Variants in ADAM17 observed in about 807,000 individuals in gnomAD.
ADAM17 encodes the protein ADAM metallopeptidase domain 17.
In ADAM17, 39 loss-of-function variants were observed where a neutral mutation model predicts 96.7. The ratio of observed to expected loss-of-function variants is 0.40; its 90% CI spans 0.31 to 0.53. The LOEUF (loss-of-function observed/expected upper bound fraction) is 0.53. Ranked by LOEUF, ADAM17 falls within the 20% of genes least tolerant of loss-of-function variation. ADAM17 has a pLI of 0.44. For missense variants in ADAM17, 777 were observed against 1,013.2 expected (o/e 0.77, Z 3.17); for synonymous variants, 344 against 359.2 (o/e 0.96, Z 0.48).
intron 10 of ADAM17, among the ~76,000 whole-genome samples, chr2:9,512,147 GA>G (rs531431037): frequency 3.0e-4 from 46 of 151,472 alleles, no homozygotes; most frequent in Non-Finnish European, 5.3e-4. Context: ...ACCGTAGTGG[GA>G]AAAAAAACTT....
intron 8 of ADAM17, among the ~76,000 whole-genome samples, chr2:9,520,968 A>AAAAAAAG (rs1664283337): frequency 7.1e-6 from 1 of 141,808 alleles, no homozygotes; most frequent in Non-Finnish European, 1.6e-5. Context: ...CTGTCTCAAA[A>AAAAAAAG]AAAAAAAAAA....
chr2:9,496,179 A>C (rs1250052913), intron 14 of ADAM17: 1 of 151,988 alleles, frequency 6.6e-6, no homozygotes, highest in Non-Finnish European at 1.5e-5. Flanking sequence ...CCCAGGCTAG[A>C]GTGTAGCGGC....
chr2:9,514,252 G>A (rs1382505912), intron 10 of ADAM17, among the ~76,000 whole-genome samples: 3 of 148,408 alleles, frequency 2.0e-5, no homozygotes, highest in Non-Finnish European at 3.0e-5. Context: ...GCAAACTATC[G>A]CAAGGACAAA....
chr2:9,536,096 G>A (rs910203256), intron 3 of ADAM17, among the ~76,000 whole-genome samples, 174 bp from the exon 4 acceptor site: 1 of 152,054 alleles, frequency 6.6e-6, no homozygotes, highest in East Asian at 1.9e-4. Flanking sequence ...AACTCCTAAG[G>A]GGTAGCCTCA....
intron 1 of ADAM17, among the ~76,000 whole-genome samples, chr2:9,555,162 C>T (rs1315625986): frequency 6.6e-6 from 1 of 152,104 alleles, no homozygotes; most frequent in Admixed American, 6.6e-5. Context: ...CCTACTAAGG[C>T]AAGAACCCTG....
At chr2:9,497,332 C>T (rs879919670) in intron 13 of ADAM17, 84 bp from the exon 14 acceptor site, 67 of 1,553,694 alleles carry the variant, frequency 4.3e-5, no homozygotes, top group Non-Finnish European at 5.8e-5. Context: ...GTTTCTCATA[C>T]AAGTGAGCAT....
chr2:9,497,029 G>T, intron 14 of ADAM17, 85 bp downstream of exon 14: 2 of 1,551,932 alleles, frequency 1.3e-6, no homozygotes. Flanking sequence ...GCTGTCATTC[G>T]CACAACCTCC....
At chr2:9,504,827 C>A (rs1663284226) in intron 12 of ADAM17, among the ~76,000 whole-genome samples, 1 of 151,108 alleles carries the variant, frequency 6.6e-6, no homozygotes, top group Non-Finnish European at 1.5e-5. Context: ...CATGCAAGGT[C>A]AAGGATTTTG....
chr2:9,532,880 A>T (rs999007599), intron 4 of ADAM17, among the ~76,000 whole-genome samples: 1 of 152,096 alleles, frequency 6.6e-6, no homozygotes, highest in African/African-American at 2.4e-5. Flanking sequence ...TTTTTCCAAA[A>T]GGAAGTATTT....
intron 4 of ADAM17, among the ~76,000 whole-genome samples, chr2:9,534,527 T>C (rs1664878303): frequency 6.6e-6 from 1 of 152,090 alleles, no homozygotes; most frequent in Non-Finnish European, 1.5e-5. Context: ...AGAGCAAGAC[T>C]CCGTCTCAAA....
chr2:9,546,305 ATACT>A (rs1665400777), intron 1 of ADAM17, among the ~76,000 whole-genome samples: 1 of 152,212 alleles, frequency 6.6e-6, no homozygotes, highest in South Asian at 2.1e-4. Flanking sequence ...GCACTTTAAA[ATACT>A]TAACTAATGC....
intron 16 of ADAM17, 145 bp from the exon 17 acceptor site, chr2:9,493,131 A>G (rs1662297330): frequency 1.6e-6 from 1 of 632,112 alleles, no homozygotes; most frequent in Non-Finnish European, 2.7e-6. Context: ...TGCTGCCTGT[A>G]TTACACCACA....
chr2:9,540,472 C>A (rs1290852567), intron 2 of ADAM17, among the ~76,000 whole-genome samples: 1 of 151,850 alleles, frequency 6.6e-6, no homozygotes, highest in East Asian at 1.9e-4. Context: ...AAATAAGTAC[C>A]TGATTAACTG....
At chr2:9,544,077 A>AC (rs917903176) in intron 1 of ADAM17, among the ~76,000 whole-genome samples, 12 of 151,780 alleles carry the variant, frequency 7.9e-5, no homozygotes, top group South Asian at 2.1e-4. Flanking sequence ...GCCAAGAGAC[A>AC]CCCCCCACCT....
intron 10 of ADAM17, among the ~76,000 whole-genome samples, chr2:9,511,151 G>GT (rs1480565468): frequency 1.3e-5 from 2 of 151,962 alleles, no homozygotes; most frequent in Non-Finnish European, 2.9e-5. Context: ...AAAGCAAGGG[G>GT]TAAAAAAAAC....
chr2:9,522,852 T>C (rs59544966), intron 7 of ADAM17, among the ~76,000 whole-genome samples: 9,678 of 152,252 alleles, frequency 0.064, 1,090 homozygotes, highest in African/African-American at 0.22. Context: ...AGGTTCTGTA[T>C]ATATAAATAC....
At chr2:9,511,399 G>A (rs1390120230) in intron 10 of ADAM17, among the ~76,000 whole-genome samples, 2 of 151,928 alleles carry the variant, frequency 1.3e-5, no homozygotes, top group East Asian at 1.9e-4. Flanking sequence ...GCAGTGAGCT[G>A]AGATCATGCC....
At chr2:9,554,781 T>C (rs1295023887) in intron 1 of ADAM17, among the ~76,000 whole-genome samples, 5 of 152,168 alleles carry the variant, frequency 3.3e-5, no homozygotes, top group South Asian at 2.1e-4. Context: ...TCTAATGAAA[T>C]AGGAACCCTC....
chr2:9,555,656 G>C lies in ADAM17; in HGVS notation c.-51C>G. ...CCTCTCTGGGCAGCCTTCGCCTGAC[G>C]GGGTTTCGGAAAACTGCTCACATCG... is the stretch of plus-strand genomic sequence containing the variant. On this transcript the variant is annotated 5_prime_UTR_variant, in exon 1 of 19. Coordinates refer to ENST00000310823, the MANE Select transcript of ADAM17 (RefSeq NM_003183.6). 6.9e-7 allele frequency: 1 copy of C among 1,459,384 alleles called. No homozygotes were observed. Among genetic ancestry groups the C allele is most frequent in the Non-Finnish European group, 9.2e-7 (1 of 1,085,296 alleles). The allele number at this position is 1,459,384 out of a possible 1,614,324, so 90.4% of individuals were successfully genotyped here.
Sources: allele counts gnomAD v4.1 joint callset (sites outside exome capture counted in the v4.1 genomes callset), GRCh38; gene constraint gnomAD v4.1.1; transcripts MANE v1.5; gene names NCBI Gene and HGNC (gene_info 2026-07-23, HGNC 2026-07-21).